ASCC2: variants seen among roughly 807,000 people sequenced by gnomAD.
The protein encoded by ASCC2 is activating signal cointegrator 1 complex subunit 2, also known as ASC-1 complex subunit P100.
In ASCC2, 42 loss-of-function variants were observed where a neutral mutation model predicts 93.5. The observed-to-expected ratio is 0.45, with a 90% CI of 0.35 to 0.58. The LOEUF (loss-of-function observed/expected upper bound fraction) is 0.58, where lower values mean the gene tolerates loss of function less well. Among genes scored for constraint, ASCC2 ranks in the 20% least tolerant of loss-of-function variants. The pLI is 0.00. For synonymous variants in ASCC2, 364 were observed against 384.2 expected, an observed-to-expected ratio of 0.95 and a Z score of 0.62; for missense variants, 859 against 977.6, an observed-to-expected ratio of 0.88 and a Z score of 1.62.
At chr22:29,820,456 C>A (rs1230953358) in intron 5 of ASCC2, among the ~76,000 whole-genome samples, 1 of 151,924 alleles carries the variant, frequency 6.6e-6, no homozygotes, top group Non-Finnish European at 1.5e-5. Context: ...GCCACCTCGC[C>A]TGGCTGCAAA....
At chr22:29,823,152 C>T (rs1410169471) in intron 4 of ASCC2, among the ~76,000 whole-genome samples, 1 of 152,152 alleles carries the variant, frequency 6.6e-6, no homozygotes, top group Non-Finnish European at 1.5e-5. Context: ...AATTCTCCTG[C>T]CTCAGCCTCC....
intron 1 of ASCC2, 47 bp from the exon 2 acceptor site, chr22:29,832,389 T>C (rs923603484): frequency 8.2e-6 from 12 of 1,459,038 alleles, no homozygotes; most frequent in African/African-American, 4.2e-5. Flanking sequence ...CACAGACTCC[T>C]GGGGGCAGGG....
At chr22:29,820,659 C>T (rs983005222) in intron 5 of ASCC2, among the ~76,000 whole-genome samples, 5 of 151,574 alleles carry the variant, frequency 3.3e-5, no homozygotes, top group South Asian at 4.2e-4. Flanking sequence ...AAAGGCTGGG[C>T]GCAGTGGCTC....
intron 17 of ASCC2, 136 bp downstream of exon 17, chr22:29,793,224 G>T: frequency 8.1e-7 from 1 of 1,239,446 alleles, no homozygotes; most frequent in Non-Finnish European, 1.1e-6. Flanking sequence ...CTGGGGTGGA[G>T]GAGCACTGGA....
Position 29,825,586 on chromosome 22 carries a change from T to C in ASCC2, c.240+36A>G. 1 of 1,613,964 alleles carries C rather than the reference T, an allele frequency of 6.2e-7. No homozygotes were observed. Among genetic ancestry groups the C allele is most frequent in the Non-Finnish European group, 8.5e-7 (1 of 1,179,816 alleles). ...AGCAACCAACCAATGGCATGTCATG[T>C]GCTTTGTCTTAGCGTTAATTTTGAT... On this transcript the variant is annotated intron_variant, in intron 3 of 19. Transcript: ENST00000307790. The surrounding 1 kb of genome is among the most constrained non-coding windows in gnomAD (Gnocchi z 4.9).
intron 13 of ASCC2, among the ~76,000 whole-genome samples, chr22:29,802,472 T>C (rs1391502313): frequency 2.0e-5 from 3 of 149,630 alleles, no homozygotes; most frequent in African/African-American, 7.4e-5. Context: ...ATACACCTAC[T>C]ACATATCCAG....
rs760781359 is a variant in ASCC2 at position 29,814,724 on chromosome 22, C to T, written c.653G>A (p.Gly218Glu). Residue 218 changes from glycine to glutamate, a missense_variant, in exon 7 of 20, where the codon GGG (glycine) becomes GAG (glutamate). Gly to Glu is a moderately conservative substitution (Grantham distance 98). Coordinates refer to ENST00000307790, the MANE Select transcript of ASCC2 (RefSeq NM_032204.5). ...AAGCTTCTGGGGTGTGGTATTGGCC[C>T]CGTCCCCTTGCAAACCACAGTGCTG... The part of the protein sequence containing the change: ...ILQHCGLQGD[G>E]ANTTPQKLEE... 1.2e-6 allele frequency: 2 copies of T among 1,609,136 alleles called. No homozygotes were observed. Among genetic ancestry groups the T allele is most frequent in the South Asian group, 2.2e-5 (2 of 90,030 alleles).
At chr22:29,804,532 T>C (rs896694621) in intron 13 of ASCC2, 106 bp downstream of exon 13, 93 of 1,437,636 alleles carry the variant, frequency 6.5e-5, no homozygotes, top group Non-Finnish European at 8.1e-5. Flanking sequence ...AAAAACTTTT[T>C]CCCTGAGTAT....
At chr22:29,837,825 C>G (rs1322401612) in intron 1 of ASCC2, among the ~76,000 whole-genome samples, 1 of 152,248 alleles carries the variant, frequency 6.6e-6, no homozygotes, top group East Asian at 1.9e-4. Context: ...GAAGCCTTGT[C>G]TGTCTTGCTT....
intron 8 of ASCC2, among the ~76,000 whole-genome samples, chr22:29,811,574 T>C (rs1295706177): frequency 6.6e-6 from 1 of 152,244 alleles, no homozygotes; most frequent in Non-Finnish European, 1.5e-5. Flanking sequence ...GTGGCTGTAT[T>C]TGCTCAGCAG....
rs141623939 is a variant in ASCC2 at position 29,788,742 on chromosome 22, C to T, written c.*271G>A. The T allele has an allele frequency of 1.0e-5, 5 of 495,538 alleles. No individual in the cohort carries two copies. The highest frequency in any genetic ancestry group is 9.2e-5 in the South Asian group (4 of 43,448). The allele number at this position is 495,538 out of a possible 1,614,324, so 30.7% of individuals were successfully genotyped here. A position where few individuals can be genotyped will look rare whatever the true frequency, so the allele number is the denominator to read the frequency against. On this transcript the variant is annotated 3_prime_UTR_variant, in exon 20 of 20. Coordinates refer to ENST00000307790, the MANE Select transcript of ASCC2 (RefSeq NM_032204.5). ...TGGGGCGCTTGCCTTGGGACTCCAT[C>T]CCCATCTCTTTCCCGCTAGCGCAGC...
chr22:29,806,211 G>A lies in ASCC2; in HGVS notation c.1160+5C>T. The A allele has an allele frequency of 6.2e-7, 1 of 1,613,892 alleles. No individual in the cohort carries two copies. Among genetic ancestry groups the A allele is most frequent in the Non-Finnish European group, 8.5e-7 (1 of 1,179,828 alleles). The stretch of plus-strand genomic sequence containing the variant: ...CTGTCGTAGTGGGCTATGGTAGAAG[G>A]ATACAAGACTGATGAGGCCTGCTGC... On this transcript the variant is annotated splice_donor_5th_base_variant and intron_variant, in intron 12 of 19. Coordinates refer to ENST00000307790, the MANE Select transcript of ASCC2 (RefSeq NM_032204.5).
rs1413904342 is a variant in ASCC2 at position 29,788,758 on chromosome 22, C to T, written c.*255G>A. The T allele has an allele frequency of 7.7e-6, 4 of 520,654 alleles. No homozygotes were observed. Among genetic ancestry groups the T allele is most frequent in the Admixed American group, 6.6e-5 (2 of 30,372 alleles). 32.3% of individuals were successfully genotyped at this position (520,654 alleles called of 1,614,324 possible). On this transcript the variant is annotated 3_prime_UTR_variant, in exon 20 of 20. Coordinates refer to ENST00000307790, the MANE Select transcript of ASCC2 (RefSeq NM_032204.5). ...GGACTCCATCCCCATCTCTTTCCCG[C>T]TAGCGCAGCTGGGGGAAGGTGCCTG...
intron 1 of ASCC2, among the ~76,000 whole-genome samples, chr22:29,835,416 A>C (rs2063653729): frequency 6.6e-6 from 1 of 152,008 alleles, no homozygotes; most frequent in Non-Finnish European, 1.5e-5. Context: ...AAAAAAAAAA[A>C]AAAATTTTTT....
At chr22:29,806,976 C>T in intron 9 of ASCC2, 72 bp from the exon 10 acceptor site, 1 of 1,162,110 alleles carries the variant, frequency 8.6e-7, no homozygotes, top group Non-Finnish European at 1.2e-6. Flanking sequence ...CAGTGGTTTA[C>T]ACCTGAAACC....
Position 29,788,876 on chromosome 22 carries a change from CT to C in ASCC2, c.*136del. ...GGCTGGCTGGTAGATGAGAGGCGGC[CT>C]TCTCAGGGGCTGCAAAGCTGAGGCT... On this transcript the variant is annotated 3_prime_UTR_variant, in exon 20 of 20. Coordinates refer to ENST00000307790, the MANE Select transcript of ASCC2 (RefSeq NM_032204.5). The C allele has an allele frequency of 9.2e-7, 1 of 1,081,504 alleles. No homozygotes were observed. Among genetic ancestry groups the C allele is most frequent in the South Asian group, 1.5e-5 (1 of 66,624 alleles). 67.0% of individuals were successfully genotyped at this position (1,081,504 alleles called of 1,614,324 possible).
At chr22:29,822,508 C>T (rs756354937) in intron 4 of ASCC2, 44 bp from the exon 5 acceptor site, 10 of 1,604,470 alleles carry the variant, frequency 6.2e-6, no homozygotes, top group Non-Finnish European at 8.5e-6. Flanking sequence ...TTTCTGAACA[C>T]TCCTACATTA....
At chr22:29,829,386 T>C (rs781264879) in intron 2 of ASCC2, among the ~76,000 whole-genome samples, 2 of 152,110 alleles carry the variant, frequency 1.3e-5, no homozygotes, top group Non-Finnish European at 2.9e-5. Flanking sequence ...CCACCTGGCA[T>C]TGAGCAGACT....
chr22:29,820,596 T>G (rs2061430450), intron 5 of ASCC2, among the ~76,000 whole-genome samples: 1 of 152,000 alleles, frequency 6.6e-6, no homozygotes, highest in South Asian at 2.1e-4. Context: ...ATACTTTATA[T>G]CCTTTCAAAA....
Sources: allele counts gnomAD v4.1 joint callset (sites outside exome capture counted in the v4.1 genomes callset), GRCh38; gene constraint gnomAD v4.1.1; non-coding constraint Gnocchi (gnomAD v3.1); transcripts MANE v1.5; gene names NCBI Gene and HGNC (gene_info 2026-07-23, HGNC 2026-07-21).